SEMA6D: variants seen among roughly 807,000 people sequenced by gnomAD.
SEMA6D encodes the protein semaphorin-6D.
A neutral mutation model predicts 106.6 loss-of-function variants in SEMA6D; 35 were observed. The ratio of observed to expected loss-of-function variants is 0.33; its 90% CI spans 0.25 to 0.44. SEMA6D has a LOEUF of 0.44. Among genes scored for constraint, SEMA6D ranks in the 20% least tolerant of loss-of-function variants. SEMA6D has a pLI of 1.00. For synonymous variants in SEMA6D, 499 were observed against 487.7 expected (o/e 1.02, Z -0.31); for missense variants, 1,185 against 1,345.9 (o/e 0.88, Z 1.87).
intron 4 of SEMA6D, among the ~76,000 whole-genome samples, chr15:47,690,847 A>G (rs1192099335): frequency 6.6e-6 from 1 of 152,220 alleles, no homozygotes; most frequent in African/African-American, 2.4e-5. Flanking sequence ...AAAAATATAT[A>G]TAGAGTCCCA....
intron 3 of SEMA6D, among the ~76,000 whole-genome samples, chr15:47,555,172 C>T (rs1182799608): frequency 6.6e-6 from 1 of 152,144 alleles, no homozygotes; most frequent in Non-Finnish European, 1.5e-5. Flanking sequence ...AATGCTGGCT[C>T]AGGTAGTCTA....
At chr15:47,380,897 A>G (rs1368811072) in intron 1 of SEMA6D, among the ~76,000 whole-genome samples, 1 of 152,256 alleles carries the variant, frequency 6.6e-6, no homozygotes, top group African/African-American at 2.4e-5. Flanking sequence ...GCAACTCTAG[A>G]GCTTCCAGTC....
intron 3 of SEMA6D, among the ~76,000 whole-genome samples, chr15:47,512,506 T>C (rs1317230240): frequency 2.0e-5 from 3 of 152,234 alleles, no homozygotes; most frequent in Non-Finnish European, 4.4e-5. Context: ...AGCATCATCA[T>C]GCAGACAGAC....
chr15:47,248,389 G>A (rs1368802857), intron 1 of SEMA6D, among the ~76,000 whole-genome samples: 1 of 152,174 alleles, frequency 6.6e-6, no homozygotes, highest in Admixed American at 6.5e-5. Flanking sequence ...ATGCCTGTGG[G>A]ATTAGGGAAA....
At chr15:47,271,422 G>T (rs62014043) in intron 1 of SEMA6D, among the ~76,000 whole-genome samples, 206 of 152,076 alleles carry the variant, frequency 1.4e-3, no homozygotes, top group Non-Finnish European at 2.0e-3. Flanking sequence ...GTAAATAAAA[G>T]TGTGTGTGTG....
intron 1 of SEMA6D, among the ~76,000 whole-genome samples, chr15:47,277,910 AT>A (rs2034911631): frequency 6.6e-6 from 1 of 150,982 alleles, no homozygotes; most frequent in Admixed American, 6.6e-5. Context: ...ATGATTTCCA[AT>A]TTCATCCATG....
At chr15:47,602,146 C>T (rs953925972) in intron 4 of SEMA6D, among the ~76,000 whole-genome samples, 1 of 152,066 alleles carries the variant, frequency 6.6e-6, no homozygotes, top group Admixed American at 6.6e-5. Context: ...GGAGTAATTC[C>T]TTCAGTTTCT....
intron 4 of SEMA6D, among the ~76,000 whole-genome samples, chr15:47,659,394 T>A (rs2077870889): frequency 6.6e-6 from 1 of 151,752 alleles, no homozygotes; most frequent in East Asian, 1.9e-4. Flanking sequence ...TAGCCAGTCA[T>A]CTGCAAAAAA....
intron 1 of SEMA6D, among the ~76,000 whole-genome samples, chr15:47,392,647 T>A (rs1394246922): frequency 1.3e-5 from 2 of 152,216 alleles, no homozygotes; most frequent in African/African-American, 4.8e-5. Flanking sequence ...GTTAGCCCTG[T>A]GAAATTTCTG....
intron 3 of SEMA6D, among the ~76,000 whole-genome samples, chr15:47,534,823 G>A (rs1336095679): frequency 6.6e-6 from 1 of 151,868 alleles, no homozygotes; most frequent in Non-Finnish European, 1.5e-5. Context: ...TTCTAACACA[G>A]CACTGCCTCT....
At chr15:47,578,215 TCAGCTAA>T (rs1210451729) in intron 3 of SEMA6D, among the ~76,000 whole-genome samples, 1 of 152,202 alleles carries the variant, frequency 6.6e-6, no homozygotes, top group Non-Finnish European at 1.5e-5. Flanking sequence ...CTATCTCAAT[TCAGCTAA>T]TGAGTCTTAC....
intron 1 of SEMA6D, among the ~76,000 whole-genome samples, chr15:47,310,575 A>T (rs1425863545): frequency 1.6e-5 from 2 of 125,298 alleles, no homozygotes; most frequent in Non-Finnish European, 3.9e-5. Flanking sequence ...ATTCAAATAT[A>T]GTTCATGTTT....
chr15:47,697,008 T>C (rs2078713117), intron 4 of SEMA6D, among the ~76,000 whole-genome samples: 1 of 152,190 alleles, frequency 6.6e-6, no homozygotes, highest in African/African-American at 2.4e-5. Context: ...CCTAGGCCTC[T>C]ACTGCAATGG....
At chr15:47,672,476 A>G (rs1215807674) in intron 4 of SEMA6D, among the ~76,000 whole-genome samples, 1 of 152,264 alleles carries the variant, frequency 6.6e-6, no homozygotes, top group Non-Finnish European at 1.5e-5. Context: ...AACTCTAAAT[A>G]GTGCAAATAG....
intron 1 of SEMA6D, among the ~76,000 whole-genome samples, chr15:47,405,451 TC>T (rs1189293462): frequency 6.6e-6 from 1 of 152,010 alleles, no homozygotes; most frequent in Non-Finnish European, 1.5e-5. Context: ...TTCCACTACC[TC>T]AGAGGGCTAA....
chr15:47,640,144 A>G lies in SEMA6D; in HGVS notation c.-55+39248A>G, dbSNP rs571638911. On this transcript the variant is annotated intron_variant, in intron 4 of 19. Transcript: ENST00000558014. ...TTTTTTGCATATCTAAAACTGCTCT[A>G]TAAAATAAAGTCTATATTTTTAAAA... 3.8e-4 allele frequency among the ~76,000 whole-genome samples: 58 copies of G among 152,342 alleles called. 1 individual carries two copies. The highest frequency in any genetic ancestry group is 1.0e-3 in the South Asian group (5 of 4,830).
chr15:47,733,662 G>A (rs1402545109), intron 1 of SEMA6D, among the ~76,000 whole-genome samples: 1 of 152,120 alleles, frequency 6.6e-6, no homozygotes, highest in Non-Finnish European at 1.5e-5. Context: ...TCAGAGCCTG[G>A]TTTTCCTCAC....
intron 4 of SEMA6D, among the ~76,000 whole-genome samples, chr15:47,707,627 G>A (rs573035672): frequency 1.2e-4 from 18 of 152,280 alleles, no homozygotes; most frequent in Admixed American, 9.2e-4. Context: ...TCTTGAGCAC[G>A]TACGCCTTCA....
At chr15:47,270,549 C>G (rs554073276) in intron 1 of SEMA6D, among the ~76,000 whole-genome samples, 1 of 151,688 alleles carries the variant, frequency 6.6e-6, no homozygotes, top group Non-Finnish European at 1.5e-5. Context: ...TCAATCTTAG[C>G]GGAAAAAAAT....
Sources: gnomAD v4.1 joint callset for allele counts (sites outside exome capture counted in the v4.1 genomes callset) on GRCh38, gnomAD v4.1.1 for gene constraint, MANE v1.5 for transcripts, NCBI Gene and HGNC (gene_info 2026-07-23, HGNC 2026-07-21) for gene names.